The following NBEA variants were observed in gnomAD, a reference collection of about 807,000 sequenced individuals.
NBEA encodes lysosomal-trafficking regulator 2.
NBEA carries 44 observed loss-of-function variants against 343.4 expected under a neutral mutation model. The observed-to-expected ratio is 0.13, with a 90% CI of 0.10 to 0.16. The LOEUF (loss-of-function observed/expected upper bound fraction) is 0.16. Ranked by LOEUF, NBEA falls within the 10% of genes least tolerant of loss-of-function variation. The probability of loss-of-function intolerance (pLI) is 1.00; values close to 1 mark genes in which losing one functional copy is unlikely to be tolerated. For synonymous variants in NBEA, 1,175 were observed against 1,238.7 expected (o/e 0.95, Z 1.08); for missense variants, 2,555 against 3,631.3 (o/e 0.70, Z 7.62).
chr13:35,648,527 G>A (rs535308614), intron 51 of NBEA, among the ~76,000 whole-genome samples: 1 of 152,186 alleles, frequency 6.6e-6, no homozygotes, highest in South Asian at 2.1e-4. Context: ...GATATGCCCA[G>A]TCAGAATTCA....
At chr13:35,366,741 ATAAT>A (rs1392983863) in intron 38 of NBEA, among the ~76,000 whole-genome samples, 1 of 151,336 alleles carries the variant, frequency 6.6e-6, no homozygotes, top group Non-Finnish European at 1.5e-5. Context: ...AACTGAAAAA[ATAAT>A]TAACACATCA....
chr13:35,322,031 G>C (rs1019676952), intron 36 of NBEA, among the ~76,000 whole-genome samples: 14 of 152,142 alleles, frequency 9.2e-5, no homozygotes, highest in African/African-American at 3.1e-4. Flanking sequence ...AGCTTGCTGA[G>C]CTCTGTTGGG....
At chr13:35,602,406 C>G (rs1373374511) in intron 47 of NBEA, among the ~76,000 whole-genome samples, 1 of 152,212 alleles carries the variant, frequency 6.6e-6, no homozygotes, top group African/African-American at 2.4e-5. Context: ...GATTTCACTT[C>G]CTCTACTATC....
chr13:35,172,141 A>T (rs979439833), intron 26 of NBEA, among the ~76,000 whole-genome samples: 1 of 152,072 alleles, frequency 6.6e-6, no homozygotes, highest in East Asian at 1.9e-4. Context: ...AATAGGAAGG[A>T]CGTTCCTGAT....
intron 41 of NBEA, among the ~76,000 whole-genome samples, chr13:35,523,059 A>C (rs1394273653): frequency 6.6e-6 from 1 of 152,194 alleles, no homozygotes; most frequent in African/African-American, 2.4e-5. Context: ...ATGAGTCCCA[A>C]ATGTTTAGTT....
intron 31 of NBEA, among the ~76,000 whole-genome samples, chr13:35,207,292 T>C (rs530783529): frequency 6.6e-6 from 1 of 152,182 alleles, no homozygotes; most frequent in South Asian, 2.1e-4. Flanking sequence ...GGACCATTGA[T>C]GTAGTTTTCT....
chr13:35,373,778 G>A (rs1368140403), intron 38 of NBEA, among the ~76,000 whole-genome samples: 1 of 151,844 alleles, frequency 6.6e-6, no homozygotes, highest in Admixed American at 6.6e-5. Flanking sequence ...TTAAGTGGAA[G>A]TGGATCATCA....
chr13:35,233,343 A>G (rs2075073768), intron 34 of NBEA, among the ~76,000 whole-genome samples: 1 of 152,112 alleles, frequency 6.6e-6, no homozygotes, highest in African/African-American at 2.4e-5. Flanking sequence ...TGTTTACTGT[A>G]GAAGAAAGAG....
intron 31 of NBEA, among the ~76,000 whole-genome samples, chr13:35,205,072 ATTAAT>A (rs2152748240): frequency 6.6e-6 from 1 of 152,306 alleles, no homozygotes; most frequent in Admixed American, 6.5e-5. Context: ...GGACTTTCAA[ATTAAT>A]TGTAAGATTG....
At chr13:35,231,835 T>C (rs1226275559) in intron 33 of NBEA, among the ~76,000 whole-genome samples, 2 of 152,166 alleles carry the variant, frequency 1.3e-5, no homozygotes, top group East Asian at 3.8e-4. Context: ...TACTATGTTA[T>C]TCATTTGTCT....
At chr13:34,997,240 C>G (rs1016950603) in intron 1 of NBEA, among the ~76,000 whole-genome samples, 1 of 152,060 alleles carries the variant, frequency 6.6e-6, no homozygotes, top group Non-Finnish European at 1.5e-5. Flanking sequence ...TTCTAGTTCT[C>G]AAGAATATGA....
At chr13:35,181,555 A>G (rs895787080) in intron 28 of NBEA, among the ~76,000 whole-genome samples, 1 of 149,424 alleles carries the variant, frequency 6.7e-6, no homozygotes, top group African/African-American at 2.5e-5. Flanking sequence ...GATTGTGGCT[A>G]TTAGTTCTTT....
chr13:35,248,420 T>A (rs2031516435), intron 34 of NBEA, among the ~76,000 whole-genome samples: 1 of 152,126 alleles, frequency 6.6e-6, no homozygotes, highest in Non-Finnish European at 1.5e-5. Context: ...TCATATGGAA[T>A]CTCAAGAGAC....
chr13:35,189,312 A>G (rs2071996186), intron 30 of NBEA, among the ~76,000 whole-genome samples: 1 of 152,014 alleles, frequency 6.6e-6, no homozygotes, highest in African/African-American at 2.4e-5. Flanking sequence ...AGCATTTTTT[A>G]TATACCTGTT....
intron 37 of NBEA, among the ~76,000 whole-genome samples, chr13:35,349,565 T>TA (rs2040068650): frequency 6.6e-6 from 1 of 152,134 alleles, no homozygotes; most frequent in African/African-American, 2.4e-5. Flanking sequence ...GAGTATATGA[T>TA]ACAGTTATAT....
intron 38 of NBEA, among the ~76,000 whole-genome samples, chr13:35,373,728 T>TAATAAC (rs771571446): frequency 1.9e-3 from 292 of 151,408 alleles, no homozygotes; most frequent in Non-Finnish European, 3.2e-3. Context: ...ATAATAATAA[T>TAATAAC]AACAAAAACC....
chr13:35,496,081 G>A (rs2076665041), intron 41 of NBEA, among the ~76,000 whole-genome samples: 1 of 151,956 alleles, frequency 6.6e-6, no homozygotes, highest in South Asian at 2.1e-4. Context: ...TAATTGGGTG[G>A]AAGTTACAGC....
chr13:35,132,996 A>G (rs933201798), intron 17 of NBEA, among the ~76,000 whole-genome samples: 30 of 152,194 alleles, frequency 2.0e-4, no homozygotes, highest in African/African-American at 6.8e-4. Flanking sequence ...ATAAATACAC[A>G]TAAATCATAC....
At chr13:35,180,001 A>C (rs544216075) in intron 28 of NBEA, among the ~76,000 whole-genome samples, 2 of 151,912 alleles carry the variant, frequency 1.3e-5, no homozygotes, top group South Asian at 4.1e-4. Context: ...AATAATTCAG[A>C]ACAGATTTTG....
Sources: gnomAD v4.1 joint callset for allele counts (sites outside exome capture counted in the v4.1 genomes callset) on GRCh38, gnomAD v4.1.1 for gene constraint, MANE v1.5 for transcripts, NCBI Gene and HGNC (gene_info 2026-07-23, HGNC 2026-07-21) for gene names.